Variants in TAF8 observed in about 807,000 individuals in gnomAD.
TAF8 encodes the protein TATA-box binding protein associated factor 8, also known as transcription initiation factor TFIID subunit 8.
Under a neutral mutation model 36.5 loss-of-function variants are expected in TAF8, and 47 were observed. The observed-to-expected ratio is 1.29, with a 90% CI of 1.02 to 1.64. TAF8 has a LOEUF of 1.64. Among genes scored for constraint, TAF8 ranks in the 40% most tolerant of loss-of-function variants. The pLI is 0.00. For missense variants in TAF8, 420 were observed against 407.6 expected (o/e 1.03, Z -0.26); for synonymous variants, 175 against 159.5 (o/e 1.10, Z -0.73).
rs201238580 is a variant in TAF8, at chr6:42,068,640, C to G, written c.780+33C>G. 5.6e-6 allele frequency: 9 copies of G among 1,607,236 alleles called. No homozygotes were observed. In the Admixed American group the frequency reaches 1.5e-4, roughly 27 times the overall value. On this transcript the variant is annotated intron_variant, in intron 7 of 8. Transcript: ENST00000372977. ...CCACCTTCTGCCTACCTCAGAGTAT[C>G]CCCCAAACTGTCGCACACTGCCCTC...
At chr6:42,086,655 C>T (rs1406096948), downstream of TAF8, 56 of 1,526,742 alleles carry the variant, frequency 3.7e-5, 1 homozygote, top group South Asian at 6.2e-4. Context: ...CCCTCTTCCA[C>T]CACCCTCTCC....
At chr6:42,054,133 C>T (rs1466282048) in intron 2 of TAF8, among the ~76,000 whole-genome samples, 1 of 152,136 alleles carries the variant, frequency 6.6e-6, no homozygotes, top group African/African-American at 2.4e-5. Context: ...AGCACAGCTT[C>T]AGAGTATTCA....
intron 4 of TAF8, among the ~76,000 whole-genome samples, chr6:42,056,967 C>G (rs1177684576): frequency 6.6e-6 from 1 of 152,196 alleles, no homozygotes; most frequent in African/African-American, 2.4e-5. Context: ...TCCCTCTCAA[C>G]ATAGCAGTGG....
chr6:42,059,007 C>T (rs960562769), intron 5 of TAF8, among the ~76,000 whole-genome samples: 5 of 151,910 alleles, frequency 3.3e-5, no homozygotes, highest in Admixed American at 6.6e-5. Flanking sequence ...CCCCAGCATT[C>T]GGGGAGCAGA....
downstream of TAF8, chr6:42,083,355 G>T (rs6925028): frequency 0.38 from 58,196 of 152,066 alleles, 12,851 homozygotes; most frequent in Admixed American, 0.48. Flanking sequence ...CCAGCCCTCT[G>T]TTCTTTCAAG....
rs1457103305 is a variant in TAF8, at chr6:42,055,531, A to G, written c.203A>G (p.Tyr68Cys). The change falls in exon 3 of 9, where the codon TAC (tyrosine) becomes TGC (cysteine). Residue 68 changes from tyrosine to cysteine, a missense_variant and splice_region_variant. Tyr to Cys is a radical substitution (Grantham distance 194). Transcript: ENST00000372977. ...TTTTATGCCTTTAATCCCCTCTTAG[A>G]CATTTCAGAAATTGGGAGAAGTGCC... The part of the protein sequence containing the change: ...VETLTEMLQS[Y>C]ISEIGRSAKS... 5.0e-6 allele frequency: 8 copies of G among 1,611,180 alleles called. No individual in the cohort carries two copies. The highest frequency in any genetic ancestry group is 5.9e-6 in the Non-Finnish European group (7 of 1,177,414).
intron 2 of TAF8, 50 bp from the exon 3 acceptor site, chr6:42,055,481 A>G (rs771932697): frequency 7.8e-7 from 1 of 1,283,640 alleles, no homozygotes; most frequent in South Asian, 1.2e-5. Flanking sequence ...TTCTATGTTT[A>G]ACTTTCTGAG....
Position 42,051,472 on chromosome 6 carries a change from A to G in TAF8, c.161A>G (p.Glu54Gly). The G allele has an allele frequency of 6.2e-7, 1 of 1,614,124 alleles. No homozygotes were observed. The highest frequency in any genetic ancestry group is 1.1e-5 in the South Asian group (1 of 91,088). ...LLTEAGFESA[E>G]KASVETLTEM... ...ACAGAGGCAGGGTTTGAGAGTGCCG[A>G]GAAAGCATCCGTGGAAACGCTGACA... The change falls in exon 2 of 9, where the codon GAG becomes GGG. Residue 54 changes from glutamate (E) to glycine (G), a missense_variant. Glu to Gly is a moderately conservative substitution (Grantham distance 98). Coordinates refer to ENST00000372977, the MANE Select transcript of TAF8 (RefSeq NM_138572.3).
rs1765769232 is a variant in TAF8, at chr6:42,077,000, A to C, written c.781-100A>C. On this transcript the variant is annotated intron_variant, in intron 7 of 8. Coordinates refer to ENST00000372977, the MANE Select transcript of TAF8 (RefSeq NM_138572.3). ...GGAAAGAAGGTGCTTCCCAGGTTCTAATTTCTCAATTAGAGGATGCTAATG... is the reference window on the plus strand; with the variant it reads ...GGAAAGAAGGTGCTTCCCAGGTTCTCATTTCTCAATTAGAGGATGCTAATG... 2.1e-6 allele frequency: 3 copies of C among 1,416,868 alleles called. No homozygotes were observed. In the South Asian group the frequency reaches 4.3e-5, roughly 20 times the overall value. The allele number at this position is 1,416,868 out of a possible 1,614,324, so 87.8% of individuals were successfully genotyped here. A position where few individuals can be genotyped will look rare whatever the true frequency, so the allele number is the denominator to read the frequency against.
At position 42,079,426 on chromosome 6, in the gene TAF8, A is replaced by G; in HGVS notation, c.*1881A>G. The G allele has an allele frequency of 1.1e-5, 11 of 985,456 alleles. No individual in the cohort carries two copies. The highest frequency in any genetic ancestry group is 1.3e-5 in the Non-Finnish European group (11 of 829,938). 61.0% of individuals were successfully genotyped at this position (985,456 alleles called of 1,614,324 possible). Reference sequence around the variant, plus strand: ...GATAGCTTTTCTGGTCTCCTAAGGAAGAGTTTTTAAAACTAAATCCAAGGA... The same window carrying G: ...GATAGCTTTTCTGGTCTCCTAAGGAGGAGTTTTTAAAACTAAATCCAAGGA... On this transcript the variant is annotated 3_prime_UTR_variant, in exon 9 of 9. Transcript: ENST00000372977.
At position 42,077,599 on chromosome 6, in the gene TAF8, G is replaced by A; in HGVS notation, c.*54G>A. The A allele has an allele frequency of 6.2e-7, 1 of 1,604,664 alleles. No individual in the cohort carries two copies. The highest frequency in any genetic ancestry group is 1.7e-5 in the Admixed American group (1 of 58,502). On this transcript the variant is annotated 3_prime_UTR_variant, in exon 9 of 9. Transcript: ENST00000372977. ...GGCGCAGATTCCACCCTCCCGGGGA[G>A]TTAAAGCCACTCAAGGGAAGAAGAG...
At position 42,057,415 on chromosome 6, in the gene TAF8, C is replaced by T; in HGVS notation, c.391C>T (p.Pro131Ser). 6.2e-7 allele frequency: 1 copy of T among 1,614,008 alleles called. No individual in the cohort carries two copies. The highest frequency in any genetic ancestry group is 8.5e-7 in the Non-Finnish European group (1 of 1,180,016). Residue 131 changes from proline to serine, a missense_variant, in exon 5 of 9, where the codon CCC becomes TCC. Transcript: ENST00000372977. Reference sequence around the variant, plus strand: ...TCCGGTGACCAATCAGCCAGTGACCCCCAAGGCCCTCACTGCAGGGCAGAA... The same window carrying T: ...TCCGGTGACCAATCAGCCAGTGACCTCCAAGGCCCTCACTGCAGGGCAGAA... ...APPVTNQPVT[P>S]KALTAGQNRP... is the part of the protein sequence containing the mutation.
downstream of TAF8, among the ~76,000 whole-genome samples, chr6:42,084,286 G>A (rs1317401591): frequency 6.6e-6 from 1 of 151,724 alleles, no homozygotes; most frequent in African/African-American, 2.4e-5. Flanking sequence ...GAGAAAACAC[G>A]GTGTATTTGG....
rs182804129 is a variant in TAF8 at position 42,071,639 on chromosome 6, T to C, written c.780+3032T>C. Among the ~76,000 whole-genome samples, 661 of 152,164 alleles carry C rather than the reference T, an allele frequency of 4.3e-3. 9 individuals carry two copies. The highest frequency in any genetic ancestry group is 0.015 in the African/African-American group (631 of 41,510). ...ACACCCGGCCTGGATATACTTTTTT[T>C]TTTTTTAAATATTGAATTATTCCTT... is the stretch of plus-strand genomic sequence containing the variant. On this transcript the variant is annotated intron_variant, in intron 7 of 8. Transcript: ENST00000372977.
At chr6:42,057,197 A>G (rs181404463) in intron 4 of TAF8, among the ~76,000 whole-genome samples, 192 bp from the exon 5 acceptor site, 1 of 152,346 alleles carries the variant, frequency 6.6e-6, no homozygotes, top group East Asian at 1.9e-4. Context: ...GGGAACGTCA[A>G]CCAAGATTAG....
intron 1 of TAF8, chr6:42,050,900 T>G (rs1283786592): frequency 5.1e-6 from 6 of 1,187,498 alleles, no homozygotes. Context: ...TTTCAAAATA[T>G]TTAGCTTTCT....
At chr6:42,055,386 T>C in intron 2 of TAF8, 145 bp from the exon 3 acceptor site, 1 of 625,080 alleles carries the variant, frequency 1.6e-6, no homozygotes, top group East Asian at 2.8e-5. Context: ...GCTGTGAACA[T>C]TGGTGTACTA....
rs966434982 is a variant in TAF8, at chr6:42,077,206, G to A, written c.887G>A (p.Arg296Gln). The change falls in exon 8 of 9, where the codon CGG becomes CAG. Residue 296 changes from arginine to glutamine, a missense_variant. Physicochemically the swap from Arg to Gln is conservative, Grantham distance 43. Coordinates refer to ENST00000372977, the MANE Select transcript of TAF8 (RefSeq NM_138572.3). ...AACATCATCGATAACCCTTATCTGC[G>A]GCCGGTGAAGAAGCCCAAGATCCGC... ...EENIIDNPYL[R>Q]PVKKPKIRRK... 94 of 1,613,814 alleles carry A rather than the reference G, an allele frequency of 5.8e-5. No homozygotes were observed. The highest frequency in any genetic ancestry group is 8.0e-5 in the Non-Finnish European group (94 of 1,179,912).
chr6:42,050,668 G>A, intron 1 of TAF8, 82 bp downstream of exon 1: 2 of 1,441,660 alleles, frequency 1.4e-6, no homozygotes, highest in South Asian at 2.6e-5. Flanking sequence ...ACAAGATAAT[G>A]CCCAGAAATT....
Sources: allele counts gnomAD v4.1 joint callset (sites outside exome capture counted in the v4.1 genomes callset), GRCh38; gene constraint gnomAD v4.1.1; transcripts MANE v1.5; gene names NCBI Gene and HGNC (gene_info 2026-07-23, HGNC 2026-07-21).